PIK3CB: variants seen among roughly 807,000 people sequenced by gnomAD.
PIK3CB encodes the protein phosphatidylinositol-4,5-bisphosphate 3-kinase catalytic subunit beta, also known as phosphatidylinositol 4,5-bisphosphate 3-kinase catalytic subunit beta isoform.
PIK3CB carries 39 observed loss-of-function variants against 136.8 expected under a neutral mutation model. The ratio of observed to expected loss-of-function variants is 0.29; its 90% CI spans 0.22 to 0.37. The LOEUF (loss-of-function observed/expected upper bound fraction) is 0.37. Among genes scored for constraint, PIK3CB ranks in the 10% least tolerant of loss-of-function variants. The pLI is 1.00. For synonymous variants in PIK3CB, 428 were observed against 436.6 expected (o/e 0.98, Z 0.25); for missense variants, 868 against 1,275.4 (o/e 0.68, Z 4.87).
chr3:138,762,047 G>A (rs1443491689), intron 2 of PIK3CB, among the ~76,000 whole-genome samples: 1 of 151,736 alleles, frequency 6.6e-6, no homozygotes, highest in Non-Finnish European at 1.5e-5. Context: ...AGGAGTTTGA[G>A]ACAAGCCTGA....
intron 1 of PIK3CB, chr3:138,825,908 G>C: frequency 6.4e-7 from 1 of 1,562,000 alleles, no homozygotes; most frequent in Non-Finnish European, 8.6e-7. Flanking sequence ...TGTTCATCAC[G>C]GCAACGTTGC....
At chr3:138,742,091 G>A (rs2045257016) in intron 5 of PIK3CB, among the ~76,000 whole-genome samples, 1 of 152,102 alleles carries the variant, frequency 6.6e-6, no homozygotes, top group African/African-American at 2.4e-5. Flanking sequence ...TCTACCGATG[G>A]GGGAGAAAAG....
intron 1 of PIK3CB, among the ~76,000 whole-genome samples, chr3:138,832,160 GGCT>G (rs1934065447): frequency 6.6e-6 from 1 of 152,052 alleles, no homozygotes; most frequent in Admixed American, 6.6e-5. Flanking sequence ...CCATATAGTT[GGCT>G]GACATTCACA....
intron 1 of PIK3CB, among the ~76,000 whole-genome samples, chr3:138,831,793 T>G (rs986544600): frequency 4.6e-5 from 7 of 151,866 alleles, no homozygotes; most frequent in Non-Finnish European, 7.4e-5. Context: ...GGCATGGTGG[T>G]GTGCACCTGT....
intron 18 of PIK3CB, among the ~76,000 whole-genome samples, chr3:138,682,780 A>G (rs2043808180): frequency 3.9e-5 from 6 of 152,252 alleles, no homozygotes; most frequent in African/African-American, 1.2e-4. Flanking sequence ...TATTCTGATA[A>G]GCACATTTGC....
At chr3:138,702,168 C>T (rs1356422288) in intron 12 of PIK3CB, among the ~76,000 whole-genome samples, 1 of 150,276 alleles carries the variant, frequency 6.7e-6, no homozygotes, top group Non-Finnish European at 1.5e-5. Context: ...ACTTCCCAGG[C>T]TCAAGCTATC....
intron 19 of PIK3CB, among the ~76,000 whole-genome samples, chr3:138,680,784 T>G (rs964715689): frequency 6.6e-6 from 1 of 151,956 alleles, no homozygotes; most frequent in Non-Finnish European, 1.5e-5. Flanking sequence ...GCCTCTCAGG[T>G]TCAAGCAATT....
rs188665332 is a variant in PIK3CB, at chr3:138,772,726, G to A, written c.-16-13367C>T. Among the ~76,000 whole-genome samples the A allele has an allele frequency of 9.0e-4, 134 of 149,332 alleles. 1 individual carries two copies. Among genetic ancestry groups the A allele is most frequent in the Admixed American group, 3.2e-3 (48 of 14,878 alleles). On this transcript the variant is annotated intron_variant, in intron 2 of 23. Transcript: ENST00000674063. The stretch of plus-strand genomic sequence containing the variant: ...TGAGCTCAAGCAATCCTCCTACCTC[G>A]GTCTCTCAAAGTTTTGGGATTACAA...
chr3:138,724,612 C>G (rs1957719161), intron 8 of PIK3CB, among the ~76,000 whole-genome samples: 1 of 152,170 alleles, frequency 6.6e-6, no homozygotes, highest in African/African-American at 2.4e-5. Context: ...CATCCTGGAG[C>G]TATCTAGGGA....
At chr3:138,812,942 G>A (rs1301487945) in intron 1 of PIK3CB, among the ~76,000 whole-genome samples, 1 of 152,130 alleles carries the variant, frequency 6.6e-6, no homozygotes, top group African/African-American at 2.4e-5. Flanking sequence ...ATAAGTGAAT[G>A]TAAAACTGGT....
chr3:138,778,108 G>A (rs186883088), intron 2 of PIK3CB: 108 of 374,482 alleles, frequency 2.9e-4, no homozygotes, highest in African/African-American at 1.9e-3. Context: ...CAATTACATT[G>A]TGGAGACCAC....
chr3:138,709,294 TA>T (rs1156535854), intron 10 of PIK3CB, among the ~76,000 whole-genome samples: 26 of 143,680 alleles, frequency 1.8e-4, no homozygotes, highest in East Asian at 1.3e-3. Context: ...CAATTCTGCT[TA>T]AAAAAAAAAA....
At chr3:138,732,725 A>G (rs1205023053) in intron 8 of PIK3CB, among the ~76,000 whole-genome samples, 1 of 151,194 alleles carries the variant, frequency 6.6e-6, no homozygotes, top group Non-Finnish European at 1.5e-5. Context: ...GAAAAGAAAA[A>G]AAAAAAAAAA....
chr3:138,757,097 G>C (rs1400808248), intron 3 of PIK3CB, among the ~76,000 whole-genome samples: 3 of 152,096 alleles, frequency 2.0e-5, no homozygotes, highest in Non-Finnish European at 4.4e-5. Context: ...TTAGTCATGA[G>C]GGAAATGCAC....
At chr3:138,659,490 C>T (rs1386458350) in intron 21 of PIK3CB, among the ~76,000 whole-genome samples, 1 of 151,420 alleles carries the variant, frequency 6.6e-6, no homozygotes, top group African/African-American at 2.4e-5. Flanking sequence ...GCACTCCAGC[C>T]TGGGCGACAG....
chr3:138,787,599 T>TAA (rs1237253899), intron 2 of PIK3CB, among the ~76,000 whole-genome samples: 5 of 152,042 alleles, frequency 3.3e-5, no homozygotes, highest in African/African-American at 9.7e-5. Context: ...TTATCATTCA[T>TAA]CTGAATAGGG....
intron 2 of PIK3CB, among the ~76,000 whole-genome samples, chr3:138,795,166 A>C (rs1226404913): frequency 6.6e-6 from 1 of 151,770 alleles, no homozygotes; most frequent in African/African-American, 2.4e-5. Context: ...CTAAAAATAC[A>C]AAAATTAGCC....
chr3:138,683,880 C>T, intron 17 of PIK3CB, 93 bp from the exon 18 acceptor site: 1 of 719,534 alleles, frequency 1.4e-6, no homozygotes, highest in Non-Finnish European at 2.5e-6. Context: ...GAAAACTCCT[C>T]ACCTATTCCT....
intron 1 of PIK3CB, among the ~76,000 whole-genome samples, chr3:138,816,568 C>A (rs1055817175): frequency 6.6e-6 from 1 of 151,338 alleles, no homozygotes; most frequent in African/African-American, 2.4e-5. Context: ...GTACTCTAGC[C>A]TGGGGACAAG....
Sources: gnomAD v4.1 joint callset for allele counts (sites outside exome capture counted in the v4.1 genomes callset) on GRCh38, gnomAD v4.1.1 for gene constraint, MANE v1.5 for transcripts, NCBI Gene and HGNC (gene_info 2026-07-23, HGNC 2026-07-21) for gene names.